Variants in COBL observed in about 807,000 individuals in gnomAD.
COBL encodes cordon-bleu WH2 repeat protein.
COBL carries 51 observed loss-of-function variants against 98.8 expected under a neutral mutation model. That is an observed-to-expected ratio of 0.52 (90% CI 0.41 to 0.65). The LOEUF (loss-of-function observed/expected upper bound fraction) is 0.65. Ranked by LOEUF, COBL falls within the 30% of genes least tolerant of loss-of-function variation. COBL has a pLI of 0.00. For synonymous variants in COBL, 634 were observed against 651.7 expected, an observed-to-expected ratio of 0.97 and a Z score of 0.41; for missense variants, 1,617 against 1,617.5, an observed-to-expected ratio of 1.00 and a Z score of 0.01.
rs775592797 is a variant in COBL, at chr7:51,193,579, T to A, written c.256A>T (p.Met86Leu). Residue 86 changes from methionine (M) to leucine (L), a missense_variant, in exon 3 of 13, where the codon ATG (methionine) becomes TTG (leucine). This residue lies in a region of COBL where 238 missense variants were observed against 215.0 expected (regional missense o/e 1.11). Transcript: ENST00000265136. ...AGGCAAAGTTCAACCAGTAGGTCCA[T>A]CATCGCATGGCTGAAAAAAGGAAAA... ...RSVLNGSHAM[M>L]DLLVELCLQN... is the part of the protein sequence containing the mutation. 6.2e-7 allele frequency: 1 copy of A among 1,614,068 alleles called. No homozygotes were observed. Among genetic ancestry groups the A allele is most frequent in the Middle Eastern group, 1.6e-4 (1 of 6,062 alleles).
At chr7:51,269,576 C>T (rs997736407) in intron 1 of COBL, among the ~76,000 whole-genome samples, 17 of 152,234 alleles carry the variant, frequency 1.1e-4, no homozygotes, top group African/African-American at 3.9e-4. Context: ...GCCCCTGCTC[C>T]GGCCACTGCT....
chr7:51,301,947 T>G (rs1802009325), intron 1 of COBL, among the ~76,000 whole-genome samples: 1 of 152,162 alleles, frequency 6.6e-6, no homozygotes, highest in Admixed American at 6.5e-5. Flanking sequence ...CCTGGTAGCT[T>G]TGCCTCTCCC....
At chr7:51,196,477 C>A (rs1196994531) in intron 2 of COBL, among the ~76,000 whole-genome samples, 1 of 151,800 alleles carries the variant, frequency 6.6e-6, no homozygotes, top group Non-Finnish European at 1.5e-5. Flanking sequence ...GTGTGGTGTC[C>A]CTGTCAGTTT....
At chr7:51,072,513 TACTTCTTTTCATGTGCCTGGGGAGCCA>T (rs1232634248) in intron 7 of COBL, 1 of 152,208 alleles carries the variant, frequency 6.6e-6, no homozygotes. Flanking sequence ...GAACCATCTT[TACTTCTTTTCATGTGCCTGGGGAGCCA>T]CAGGTAGTAA....
chr7:51,044,174 C>G (rs1789471290), intron 7 of COBL, among the ~76,000 whole-genome samples: 1 of 152,196 alleles, frequency 6.6e-6, no homozygotes, highest in Non-Finnish European at 1.5e-5. Flanking sequence ...CTGGAAGATT[C>G]ACGGCCCTAC....
chr7:51,158,043 G>A (rs1052352833), intron 5 of COBL, among the ~76,000 whole-genome samples: 2 of 152,200 alleles, frequency 1.3e-5, no homozygotes, highest in Non-Finnish European at 2.9e-5. Flanking sequence ...GGGGAAGGAA[G>A]AAGAGAGCCA....
intron 1 of COBL, among the ~76,000 whole-genome samples, chr7:51,291,058 A>T (rs1170289720): frequency 1.3e-5 from 2 of 152,222 alleles, no homozygotes; most frequent in Non-Finnish European, 2.9e-5. Flanking sequence ...GAATAAACAG[A>T]TGAACGGCTA....
intron 1 of COBL, among the ~76,000 whole-genome samples, chr7:51,314,475 A>G (rs1170468788): frequency 2.0e-5 from 3 of 152,248 alleles, no homozygotes; most frequent in Non-Finnish European, 2.9e-5. Context: ...CTAAAGCCAC[A>G]AATTTCACAG....
chr7:51,308,770 T>C (rs528172892), intron 1 of COBL, among the ~76,000 whole-genome samples: 2 of 152,178 alleles, frequency 1.3e-5, no homozygotes, highest in African/African-American at 2.4e-5. Flanking sequence ...GTGCCCACTA[T>C]GAATAAGTGG....
chr7:51,213,989 G>A (rs1032070625), intron 2 of COBL, among the ~76,000 whole-genome samples: 3 of 152,194 alleles, frequency 2.0e-5, no homozygotes, highest in Admixed American at 1.3e-4. Context: ...GCTGGCTGTG[G>A]GCACGGTGGC....
chr7:51,080,235 C>T (rs937952476), intron 7 of COBL, among the ~76,000 whole-genome samples: 3 of 152,194 alleles, frequency 2.0e-5, no homozygotes, highest in Non-Finnish European at 4.4e-5. Flanking sequence ...ATGTCTTCTC[C>T]TCACCCTCTT....
chr7:51,148,931 C>A (rs916575161), intron 5 of COBL, among the ~76,000 whole-genome samples: 17 of 152,010 alleles, frequency 1.1e-4, no homozygotes, highest in Non-Finnish European at 4.4e-5. Context: ...CACCCCACCA[C>A]AAAAAAATCT....
Position 51,026,530 on chromosome 7 carries a change from G to GC in COBL, c.3504+15dup. 1 of 1,612,848 alleles carries GC rather than the reference G, an allele frequency of 6.2e-7. No homozygotes were observed. The highest frequency in any genetic ancestry group is 8.5e-7 in the Non-Finnish European group (1 of 1,179,432). The stretch of plus-strand genomic sequence containing the variant: ...GTTTGAGCTCCTGGCGCCATGGAAG[G>GC]CCCTTCACCTCTTACCTTCCTCAGG... On this transcript the variant is annotated intron_variant, in intron 11 of 12. Transcript: ENST00000265136.
intron 1 of COBL, among the ~76,000 whole-genome samples, chr7:51,277,160 C>T (rs188315280): frequency 3.3e-5 from 5 of 152,318 alleles, no homozygotes; most frequent in African/African-American, 1.2e-4. Context: ...ACAAGGCCTT[C>T]CCTGTTTCCA....
intron 6 of COBL, among the ~76,000 whole-genome samples, chr7:51,098,637 C>T (rs888610833): frequency 6.6e-6 from 1 of 152,072 alleles, no homozygotes; most frequent in African/African-American, 2.4e-5. Context: ...AAATGTAAGA[C>T]CTGAAATTAT....
chr7:51,110,399 T>A (rs1414875580), intron 6 of COBL, among the ~76,000 whole-genome samples: 1 of 152,220 alleles, frequency 6.6e-6, no homozygotes, highest in East Asian at 1.9e-4. Flanking sequence ...CTTAATATAA[T>A]GGCCTCCAGT....
chr7:51,279,326 T>C (rs1563120632), intron 1 of COBL, among the ~76,000 whole-genome samples: 1 of 152,274 alleles, frequency 6.6e-6, no homozygotes, highest in Non-Finnish European at 1.5e-5. Context: ...ATTTACTCCA[T>C]GTACTTCCAA....
rs115569616 is a variant in COBL, at chr7:51,271,174, T to A, written c.41+45419A>T. On this transcript the variant is annotated intron_variant, in intron 1 of 12. Transcript: ENST00000265136. Reference sequence around the variant, plus strand: ...GTCCATGGCTGCTTTCTCCATATAATGGCAGGGTTGCGTCGTCACCAGAAA... The same window carrying A: ...GTCCATGGCTGCTTTCTCCATATAAAGGCAGGGTTGCGTCGTCACCAGAAA... Among the ~76,000 whole-genome samples the A allele has an allele frequency of 7.5e-3, 1,148 of 152,306 alleles. 14 individuals are homozygous for A. Among genetic ancestry groups the A allele is most frequent in the African/African-American group, 0.027 (1,115 of 41,576 alleles).
intron 7 of COBL, among the ~76,000 whole-genome samples, chr7:51,062,140 A>G (rs1439899968): frequency 6.6e-6 from 1 of 152,202 alleles, no homozygotes; most frequent in Non-Finnish European, 1.5e-5. Flanking sequence ...ATTTGTTCAG[A>G]AAATAAAACA....
Sources: gnomAD v4.1 joint callset for allele counts (sites outside exome capture counted in the v4.1 genomes callset) on GRCh38, gnomAD v4.1.1 for gene constraint, gnomAD v4.1.1 regional missense constraint, MANE v1.5 for transcripts, NCBI Gene and HGNC (gene_info 2026-07-23, HGNC 2026-07-21) for gene names.